SUCLA2: variants seen among roughly 807,000 people sequenced by gnomAD.
The protein encoded by SUCLA2 is succinate-CoA ligase ADP-forming subunit beta.
A neutral mutation model predicts 54.8 loss-of-function variants in SUCLA2; 30 were observed. The observed-to-expected ratio is 0.55, with a 90% CI of 0.41 to 0.74. SUCLA2 has a LOEUF of 0.74. Ranked by LOEUF, SUCLA2 falls within the 30% of genes least tolerant of loss-of-function variation. The pLI, the probability that SUCLA2 is intolerant of heterozygous loss-of-function variation, is 0.00. For missense variants in SUCLA2, 476 were observed against 562.9 expected (o/e 0.85, Z 1.56); for synonymous variants, 172 against 188.9 (o/e 0.91, Z 0.74).
At chr13:47,988,479 T>C in intron 4 of SUCLA2, 62 bp downstream of exon 4, 1 of 1,565,356 alleles carries the variant, frequency 6.4e-7, no homozygotes, top group South Asian at 1.1e-5. Flanking sequence ...GAAACAATAA[T>C]GGACTTTTGA....
rs1949700196 is a variant in SUCLA2 at position 47,943,303 on chromosome 13, C to T, written c.*68G>A. 4.1e-6 allele frequency: 6 copies of T among 1,457,136 alleles called. No individual in the cohort carries two copies. Among genetic ancestry groups the T allele is most frequent in the Admixed American group, 3.3e-5 (2 of 59,788 alleles). The allele number at this position is 1,457,136 out of a possible 1,614,324, so 90.3% of individuals were successfully genotyped here. The stretch of plus-strand genomic sequence containing the variant: ...ACACTAAAAAGAAAAAGAACAATAA[C>T]ACAGAACACAGTATTCTTAATGATT... On this transcript the variant is annotated 3_prime_UTR_variant, in exon 11 of 11. Transcript: ENST00000646932.
At chr13:47,971,976 C>CGCG in intron 5 of SUCLA2, 1 of 397,576 alleles carries the variant, frequency 2.5e-6, no homozygotes, top group South Asian at 1.3e-4. Flanking sequence ...AGGGACCGGA[C>CGCG]GCGGTGGCTC....
At chr13:47,957,954 A>C (rs778438726) in intron 6 of SUCLA2, among the ~76,000 whole-genome samples, 2 of 152,172 alleles carry the variant, frequency 1.3e-5, no homozygotes, top group Non-Finnish European at 2.9e-5. Context: ...TGTTTCATAT[A>C]GTCATGAGAA....
Position 47,996,844 on chromosome 13 carries a change from T to C in SUCLA2, c.270A>G (p.Leu90=). The C allele has an allele frequency of 1.9e-6, 3 of 1,613,024 alleles. No homozygotes were observed. Among genetic ancestry groups the C allele is most frequent in the African/African-American group, 1.3e-5 (1 of 75,002 alleles). ...PDEAYAIAKK[L]GSKDVVIKAQ... is the part of the protein sequence containing the mutation. ...CAAAAGCTTTTCTTAATTTAGTACC[T>C]AATTTTTTGGCAATTGCATAAGCTT... The change falls in exon 2 of 11, where the codon TTA becomes TTG. Residue 90 remains leucine, a splice_region_variant and synonymous_variant. Coordinates refer to ENST00000646932, the MANE Select transcript of SUCLA2 (RefSeq NM_003850.3).
intron 1 of SUCLA2, among the ~76,000 whole-genome samples, chr13:47,999,042 G>C (rs1950209738): frequency 6.6e-6 from 1 of 152,206 alleles, no homozygotes; most frequent in Admixed American, 6.5e-5. Context: ...TTGGGTCCCA[G>C]CCACAGAGTT....
chr13:47,985,148 T>TG (rs1950091414), intron 4 of SUCLA2, among the ~76,000 whole-genome samples: 1 of 152,258 alleles, frequency 6.6e-6, no homozygotes, highest in African/African-American at 2.4e-5. Context: ...GTAGAACCTA[T>TG]GATACATCTC....
chr13:47,999,444 A>C (rs980278307), intron 1 of SUCLA2, among the ~76,000 whole-genome samples: 8 of 152,202 alleles, frequency 5.3e-5, no homozygotes, highest in African/African-American at 1.9e-4. Context: ...GCGGTGGCTC[A>C]AGCTTGTAAT....
Position 47,988,933 on chromosome 13 carries a change from C to A in SUCLA2, c.320G>T (p.Gly107Val). 6.2e-6 allele frequency: 10 copies of A among 1,613,532 alleles called. No individual in the cohort carries two copies. Among genetic ancestry groups the A allele is most frequent in the African/African-American group, 1.3e-5 (1 of 75,014 alleles). The change falls in exon 3 of 11, where the codon GGA (glycine) becomes GTA (valine). Residue 107 changes from glycine (G) to valine (V), a missense_variant. Around this residue, in one of 2 missense-constraint regions of SUCLA2, gnomAD observed 342 missense variants for 444.2 expected, o/e 0.77. Transcript: ENST00000646932. ...IKAQVLAGGR[G>V]KGTFESGLKG... ...GAGGCCACTTTCAAATGTTCCTTTT[C>A]CTCTACCACCAGCTAAAACCTGTGC...
intron 1 of SUCLA2, among the ~76,000 whole-genome samples, chr13:48,000,136 T>TGAAA (rs753852412): frequency 0.03 from 2,812 of 93,148 alleles, 38 homozygotes; most frequent in Non-Finnish European, 0.046. Flanking sequence ...TCAATAAAAA[T>TGAAA]GAAAAAAAAA....
intron 8 of SUCLA2, 120 bp from the exon 9 acceptor site, chr13:47,949,723 A>G (rs1028518773): frequency 2.1e-6 from 2 of 971,962 alleles, no homozygotes. Context: ...TTTTCAGACC[A>G]AACCACAATA....
intron 2 of SUCLA2, among the ~76,000 whole-genome samples, chr13:47,993,937 G>C (rs1043238131): frequency 6.6e-6 from 1 of 151,954 alleles, no homozygotes; most frequent in Admixed American, 6.6e-5. Context: ...AGGAGGCTGA[G>C]GCAGGAGAAC....
chr13:47,990,280 G>A (rs371284634), intron 2 of SUCLA2, among the ~76,000 whole-genome samples: 7 of 152,240 alleles, frequency 4.6e-5, no homozygotes, highest in East Asian at 3.9e-4. Flanking sequence ...TCCGGGAGGC[G>A]GAGGTTGCAA....
intron 4 of SUCLA2, among the ~76,000 whole-genome samples, chr13:47,982,895 T>C (rs1289151479): frequency 6.6e-6 from 1 of 152,164 alleles, no homozygotes; most frequent in African/African-American, 2.4e-5. Flanking sequence ...TTGGCTATAA[T>C]AAAACTGTAA....
At chr13:47,998,794 A>C (rs1315311213) in intron 1 of SUCLA2, among the ~76,000 whole-genome samples, 1 of 152,226 alleles carries the variant, frequency 6.6e-6, no homozygotes, top group Non-Finnish European at 1.5e-5. Context: ...GGCTGGAAAC[A>C]TTGTATATCT....
intron 2 of SUCLA2, among the ~76,000 whole-genome samples, chr13:47,996,094 C>A (rs183614436): frequency 6.6e-6 from 1 of 151,810 alleles, no homozygotes; most frequent in Non-Finnish European, 1.5e-5. Flanking sequence ...GAGGCGGAGG[C>A]GGGCAGATCA....
intron 4 of SUCLA2, 190 bp downstream of exon 4, chr13:47,988,351 T>C (rs1950121121): frequency 1.6e-6 from 1 of 618,440 alleles, no homozygotes; most frequent in Non-Finnish European, 2.7e-6. Flanking sequence ...AAGATCATGA[T>C]ATTATATATC....
At chr13:47,996,150 C>T (rs1406765108) in intron 2 of SUCLA2, among the ~76,000 whole-genome samples, 2 of 151,724 alleles carry the variant, frequency 1.3e-5, no homozygotes, top group Non-Finnish European at 2.9e-5. Context: ...AGTGAAAACC[C>T]GTCTCTACTA....
At chr13:47,975,587 C>T (rs1212438368) in intron 4 of SUCLA2, among the ~76,000 whole-genome samples, 1 of 32,806 alleles carries the variant, frequency 3.0e-5, no homozygotes, top group African/African-American at 1.3e-4. Flanking sequence ...AAGGCAATAA[C>T]AAAAATTAAA....
rs1482125233 is a variant in SUCLA2 at position 47,968,678 on chromosome 13, A to G, written c.719T>C (p.Met240Thr). The G allele has an allele frequency of 1.9e-6, 3 of 1,611,986 alleles. No individual in the cohort carries two copies. Among genetic ancestry groups the G allele is most frequent in the African/African-American group, 2.7e-5 (2 of 74,878 alleles). The change falls in exon 6 of 11, where the codon ATG (methionine) becomes ACG (threonine). Residue 240 changes from methionine to threonine, a missense_variant. Coordinates refer to ENST00000646932, the MANE Select transcript of SUCLA2 (RefSeq NM_003850.3). ...PNIVESAAEN[M>T]VKLYSLFLKY... Reference sequence around the variant, plus strand: ...CAGAAAAAGGCTGTAAAGCTTGACCATGTTTTCTGCTGCTGATTCCACAAT... The same window carrying G: ...CAGAAAAAGGCTGTAAAGCTTGACCGTGTTTTCTGCTGCTGATTCCACAAT...
Sources: allele counts gnomAD v4.1 joint callset (sites outside exome capture counted in the v4.1 genomes callset), GRCh38; gene constraint gnomAD v4.1.1; regional missense constraint gnomAD v4.1.1; transcripts MANE v1.5; gene names NCBI Gene and HGNC (gene_info 2026-07-23, HGNC 2026-07-21).